Variants in CDH18 observed in about 807,000 individuals in gnomAD.
The protein encoded by CDH18 is cadherin 18.
In CDH18, 31 loss-of-function variants were observed where a neutral mutation model predicts 67.9. The observed-to-expected ratio is 0.46, with a 90% CI of 0.34 to 0.62. The LOEUF (loss-of-function observed/expected upper bound fraction) is 0.62, where lower values mean the gene tolerates loss of function less well. Ranked by LOEUF, CDH18 falls within the 20% of genes least tolerant of loss-of-function variation. The pLI, the probability that CDH18 is intolerant of heterozygous loss-of-function variation, is 0.01. For missense variants in CDH18, 890 were observed against 975.5 expected, an observed-to-expected ratio of 0.91 and a Z score of 1.17; for synonymous variants, 362 against 347.2, an observed-to-expected ratio of 1.04 and a Z score of -0.48.
chr5:20,095,714 A>AT (rs1745934672), intron 2 of CDH18, among the ~76,000 whole-genome samples: 1 of 151,932 alleles, frequency 6.6e-6, no homozygotes, highest in Admixed American at 6.6e-5. Flanking sequence ...TGTAGATATC[A>AT]TAGGAGACGA....
At chr5:19,781,705 C>T (rs1382943670) in intron 3 of CDH18, among the ~76,000 whole-genome samples, 1 of 151,834 alleles carries the variant, frequency 6.6e-6, no homozygotes, top group Non-Finnish European at 1.5e-5. Context: ...TTCTAGCATA[C>T]AAATTAAACA....
At chr5:20,347,502 C>A (rs1325344442) in intron 1 of CDH18, among the ~76,000 whole-genome samples, 19 of 152,164 alleles carry the variant, frequency 1.2e-4, no homozygotes, top group Non-Finnish European at 8.8e-5. Flanking sequence ...CAGAGAGAGG[C>A]AATATTCACA....
rs368935380 is a variant in CDH18, at chr5:20,510,439, C to T, written c.-580+65023G>A. 7.9e-5 allele frequency among the ~76,000 whole-genome samples: 12 copies of T among 152,192 alleles called. No homozygotes were observed. The East Asian group carries it at 1.2e-3, about 15-fold the overall frequency. ...CTCATTTGACTGTCATTACAAATTA[C>T]GGGATTTCCTCTTTTTTCAGGCTGA... On this transcript the variant is annotated intron_variant, in intron 1 of 14. Transcript: ENST00000507958.
At chr5:20,453,867 C>T (rs185596317) in intron 1 of CDH18, among the ~76,000 whole-genome samples, 1 of 152,094 alleles carries the variant, frequency 6.6e-6, no homozygotes, top group Admixed American at 6.6e-5. Flanking sequence ...AAGATTTAAT[C>T]AGAAAATATT....
intron 9 of CDH18, among the ~76,000 whole-genome samples, chr5:19,529,926 A>T (rs978780231): frequency 6.6e-5 from 10 of 152,176 alleles, no homozygotes; most frequent in African/African-American, 2.4e-4. Flanking sequence ...ATTGTTGAAT[A>T]ATTTGATAAG....
intron 1 of CDH18, among the ~76,000 whole-genome samples, chr5:20,542,484 A>T (rs1757106163): frequency 6.6e-6 from 1 of 151,572 alleles, no homozygotes; most frequent in Non-Finnish European, 1.5e-5. Flanking sequence ...CACACATACA[A>T]TGCTATATTG....
At chr5:19,763,994 CAAAAAA>C (rs60958986) in intron 3 of CDH18, among the ~76,000 whole-genome samples, 113 of 65,312 alleles carry the variant, frequency 1.7e-3, no homozygotes, top group Middle Eastern at 0.019. Context: ...ACTAAAAATA[CAAAAAA>C]AAAAAAAAAA....
intron 1 of CDH18, among the ~76,000 whole-genome samples, chr5:20,297,731 G>GA (rs536474378): frequency 6.6e-6 from 1 of 151,788 alleles, no homozygotes; most frequent in Admixed American, 6.6e-5. Flanking sequence ...ACATTTCTAA[G>GA]AAAAAAAATT....
intron 5 of CDH18, among the ~76,000 whole-genome samples, chr5:19,678,663 T>A (rs1389060508): frequency 1.3e-5 from 2 of 151,690 alleles, no homozygotes; most frequent in Non-Finnish European, 2.9e-5. Flanking sequence ...CCTAGACTAC[T>A]ATGAACACTT....
At chr5:20,428,247 C>T (rs1433309589) in intron 1 of CDH18, among the ~76,000 whole-genome samples, 6 of 151,070 alleles carry the variant, frequency 4.0e-5, no homozygotes, top group Admixed American at 6.6e-5. Context: ...CTTCTAGCTT[C>T]ATCCATGTCC....
At chr5:19,846,244 A>T (rs1782934445) in intron 2 of CDH18, among the ~76,000 whole-genome samples, 1 of 152,074 alleles carries the variant, frequency 6.6e-6, no homozygotes, top group Non-Finnish European at 1.5e-5. Flanking sequence ...AATCTATTTT[A>T]AGCTGATAAC....
intron 2 of CDH18, among the ~76,000 whole-genome samples, chr5:19,941,369 C>CTTGTTAAATAAGA (rs1248329660): frequency 2.6e-5 from 4 of 152,194 alleles, no homozygotes; most frequent in South Asian, 2.1e-4. Context: ...AATAAGATAA[C>CTTGTTAAATAAGA]TAATTTGTTA....
chr5:19,484,276 A>T (rs1339122629), intron 11 of CDH18, among the ~76,000 whole-genome samples: 3 of 152,156 alleles, frequency 2.0e-5, no homozygotes, highest in African/African-American at 7.2e-5. Context: ...TTTTGTTATA[A>T]ATACTAATTT....
chr5:20,473,224 AC>A (rs1752210163), intron 1 of CDH18, among the ~76,000 whole-genome samples: 1 of 152,164 alleles, frequency 6.6e-6, no homozygotes, highest in South Asian at 2.1e-4. Flanking sequence ...TTGTTAAAAA[AC>A]AAAAACAAAA....
intron 9 of CDH18, among the ~76,000 whole-genome samples, chr5:19,533,272 C>T (rs1431885697): frequency 2.6e-5 from 4 of 152,202 alleles, no homozygotes; most frequent in Middle Eastern, 3.4e-3. Flanking sequence ...AGTTGTTAAT[C>T]GTATCAAATG....
chr5:20,527,366 A>C (rs1447754316), intron 1 of CDH18, among the ~76,000 whole-genome samples: 2 of 152,126 alleles, frequency 1.3e-5, no homozygotes, highest in African/African-American at 4.8e-5. Context: ...GAACTTCCCC[A>C]ACCTGGCAAG....
At chr5:19,795,631 T>C (rs573141915) in intron 3 of CDH18, among the ~76,000 whole-genome samples, 6 of 152,210 alleles carry the variant, frequency 3.9e-5, no homozygotes, top group African/African-American at 1.4e-4. Flanking sequence ...CAAGACTAAT[T>C]TAAACAAGAC....
intron 10 of CDH18, among the ~76,000 whole-genome samples, chr5:19,512,375 T>C (rs1195934125): frequency 2.0e-5 from 3 of 152,310 alleles, no homozygotes; most frequent in South Asian, 2.1e-4. Flanking sequence ...TTTCAAATGA[T>C]ATTTTTAATT....
At chr5:20,286,913 C>T (rs562313761) in intron 1 of CDH18, among the ~76,000 whole-genome samples, 6 of 151,882 alleles carry the variant, frequency 4.0e-5, no homozygotes, top group South Asian at 2.1e-4. Context: ...CACAAAGTTT[C>T]AACCTGCATA....
Sources: gnomAD v4.1 joint callset for allele counts (sites outside exome capture counted in the v4.1 genomes callset) on GRCh38, gnomAD v4.1.1 for gene constraint, MANE v1.5 for transcripts, NCBI Gene and HGNC (gene_info 2026-07-23, HGNC 2026-07-21) for gene names.